The following CAPRIN2 variants were observed in gnomAD, a reference collection of about 807,000 sequenced individuals.
The protein encoded by CAPRIN2 is caprin family member 2.
In CAPRIN2, 66 loss-of-function variants were observed where a neutral mutation model predicts 130.4. The ratio of observed to expected loss-of-function variants is 0.51; its 90% confidence interval spans 0.42 to 0.62. The LOEUF (loss-of-function observed/expected upper bound fraction) is 0.62, where lower values mean the gene tolerates loss of function less well. Among genes scored for constraint, CAPRIN2 ranks in the 20% least tolerant of loss-of-function variants. CAPRIN2 has a pLI of 0.00. For missense variants in CAPRIN2, 1,185 were observed against 1,246.6 expected, an observed-to-expected ratio of 0.95 and a Z score of 0.74; for synonymous variants, 471 against 444.1, an observed-to-expected ratio of 1.06 and a Z score of -0.76.
exon 12 of CAPRIN2, chr12:30,720,895 A>G (rs1228682475): frequency 6.2e-7 from 1 of 1,612,890 alleles, no homozygotes. Context: ...TTGAGCTACA[A>G]GTAACTGGAG....
chr12:30,726,942 A>C (rs1466290209), intron 8 of CAPRIN2, among the ~76,000 whole-genome samples: 1 of 152,166 alleles, frequency 6.6e-6, no homozygotes, highest in Non-Finnish European at 1.5e-5. Context: ...GAAAAATACT[A>C]TATTACACAT....
At chr12:30,737,520 T>C (rs2065403191) in intron 3 of CAPRIN2, among the ~76,000 whole-genome samples, 1 of 152,114 alleles carries the variant, frequency 6.6e-6, no homozygotes, top group Non-Finnish European at 1.5e-5. Context: ...GGTTACATTG[T>C]TCTCTTTTTC....
In CAPRIN2 at chr12:30,725,988, T is replaced by C. The variant is rs547293606; in HGVS notation, c.1883A>G (p.Gln628Arg). The change falls in exon 9 of 17, where the codon CAA (glutamine) becomes CGA (arginine). Residue 628 changes from glutamine (Q) to arginine (R), a missense_variant. Coordinates refer to ENST00000298892, the Ensembl canonical transcript of CAPRIN2. ...TACTTGCATAAAGTTACAAGTTCCT[T>C]GAATCTGAGTCATCAGATCCTGCAG... The C allele has an allele frequency of 1.3e-5, 20 of 1,595,704 alleles. No homozygotes were observed. In the Admixed American group the frequency reaches 1.7e-4, roughly 14 times the overall value.
intron 2 of CAPRIN2, among the ~76,000 whole-genome samples, chr12:30,745,066 G>A (rs11051052): frequency 0.62 from 94,720 of 152,076 alleles, 30,141 homozygotes; most frequent in African/African-American, 0.73. Flanking sequence ...TGACTACGCC[G>A]ATAGCAGTGG....
At chr12:30,720,658 T>G (rs577817062) in intron 12 of CAPRIN2, 153 bp downstream of exon 13, 11 of 556,154 alleles carry the variant, frequency 2.0e-5, no homozygotes, top group Admixed American at 3.1e-5. Flanking sequence ...AAGTTACCTG[T>G]AAAAGTTCCA....
exon 8 of CAPRIN2, chr12:30,728,651 T>G: frequency 1.2e-6 from 2 of 1,603,446 alleles, no homozygotes; most frequent in Non-Finnish European, 1.7e-6. Context: ...AACTCACATC[T>G]TTGGGTTCTG....
chr12:30,729,354 A>G, intron 7 of CAPRIN2, 29 bp from the exon 9 acceptor site: 1 of 1,488,082 alleles, frequency 6.7e-7, no homozygotes, highest in Non-Finnish European at 9.0e-7. Context: ...CACTTAAGTC[A>G]CAAAATTCAT....
intron 2 of CAPRIN2, among the ~76,000 whole-genome samples, chr12:30,743,320 T>C (rs2068391051): frequency 6.6e-6 from 1 of 152,066 alleles, no homozygotes; most frequent in South Asian, 2.1e-4. Flanking sequence ...GACAACTACT[T>C]CCCTCTAGCA....
intron 5 of CAPRIN2, 108 bp from the exon 7 acceptor site, chr12:30,731,618 CATTGATGTA>C: frequency 1.2e-6 from 1 of 835,102 alleles, no homozygotes; most frequent in South Asian, 1.7e-5. Context: ...CAATAGTTTA[CATTGATGTA>C]CATAGTACAT....
chr12:30,734,057 C>T (rs879626307), intron 4 of CAPRIN2, among the ~76,000 whole-genome samples: 1 of 152,164 alleles, frequency 6.6e-6, no homozygotes, highest in Admixed American at 6.5e-5. Flanking sequence ...TTAAGAGCCG[C>T]ATTTGACTTT....
chr12:30,735,145 T>C, exon 4 of CAPRIN2: 2 of 1,614,210 alleles, frequency 1.2e-6, no homozygotes, highest in South Asian at 1.1e-5. Flanking sequence ...AAGCTTTTTC[T>C]TCTCAGCCTC....
chr12:30,727,405 G>T (rs183275462), intron 8 of CAPRIN2, among the ~76,000 whole-genome samples: 37 of 152,218 alleles, frequency 2.4e-4, no homozygotes, highest in African/African-American at 8.2e-4. Flanking sequence ...GCAATGCTTT[G>T]CTTTCCCCAA....
At chr12:30,719,458 T>C in intron 12 of CAPRIN2, 1 of 476,060 alleles carries the variant, frequency 2.1e-6, no homozygotes, top group African/African-American at 1.9e-5. Context: ...CAATAATCAG[T>C]CTAACAGATG....
intron 3 of CAPRIN2, among the ~76,000 whole-genome samples, chr12:30,736,639 A>G (rs1476133310): frequency 6.6e-6 from 1 of 152,258 alleles, no homozygotes; most frequent in Non-Finnish European, 1.5e-5. Context: ...GTGAAGATAT[A>G]AAATTTTCAG....
exon 1 of CAPRIN2, chr12:30,753,814 T>G: frequency 6.6e-7 from 1 of 1,515,348 alleles, no homozygotes. Flanking sequence ...AGCCTTTACA[T>G]AGGCAAAATC....
intron 15 of CAPRIN2, 24 bp from the exon 18 acceptor site, chr12:30,711,653 C>T: frequency 1.3e-6 from 2 of 1,591,658 alleles, no homozygotes; most frequent in Non-Finnish European, 1.7e-6. Context: ...ATAATATTTA[C>T]CTTGGCATCA....
chr12:30,711,834 A>G (rs1378161172), intron 15 of CAPRIN2: 1 of 682,594 alleles, frequency 1.5e-6, no homozygotes, highest in East Asian at 2.8e-5. Context: ...TCACCTGTTA[A>G]TTAACCTGAC....
exon 1 of CAPRIN2, chr12:30,753,480 C>A (rs1281587851): frequency 6.2e-7 from 1 of 1,614,208 alleles, no homozygotes; most frequent in African/African-American, 1.3e-5. Flanking sequence ...CTGGCTTTCC[C>A]CATGCTGACT....
At chr12:30,716,453 C>A in intron 13 of CAPRIN2, 55 bp downstream of exon 15, 1 of 1,485,170 alleles carries the variant, frequency 6.7e-7, no homozygotes, top group East Asian at 2.3e-5. Context: ...GACTTGCTGT[C>A]CATTCAATTG....
Sources: gnomAD v4.1 joint callset for allele counts (sites outside exome capture counted in the v4.1 genomes callset) on GRCh38, gnomAD v4.1.1 for gene constraint, MANE v1.5 for transcripts, NCBI Gene and HGNC (gene_info 2026-07-23, HGNC 2026-07-21) for gene names.